Variants in ARHGEF9 observed in about 807,000 individuals in gnomAD.
ARHGEF9 encodes rho guanine nucleotide exchange factor 9.
Under a neutral mutation model 41.3 loss-of-function variants are expected in ARHGEF9, and 2 were observed. The observed-to-expected ratio is 0.05, with a 90% CI of 0.02 to 0.15. ARHGEF9 has a LOEUF of 0.15. ARHGEF9 is among the 10% of genes least tolerant of loss of function. The probability of loss-of-function intolerance (pLI) is 1.00; values close to 1 mark genes in which losing one functional copy is unlikely to be tolerated. For synonymous variants in ARHGEF9, 160 were observed against 154.4 expected (o/e 1.04, Z -0.27); for missense variants, 225 against 424.7 (o/e 0.53, Z 4.13).
At chrX:63,652,540 C>T (rs782167830) in intron 8 of ARHGEF9, among the ~76,000 whole-genome samples, 9 of 110,892 alleles carry the variant, frequency 8.1e-5, no homozygotes, top group East Asian at 5.7e-4. Flanking sequence ...TTGATATGCA[C>T]GGGAGTCCTG....
chrX:63,665,127 C>G (rs2049447955), intron 7 of ARHGEF9, among the ~76,000 whole-genome samples: 1 of 112,231 alleles, frequency 8.9e-6, no homozygotes, highest in Non-Finnish European at 1.9e-5. Flanking sequence ...GCCCCTGGAG[C>G]CAAAACTGGT....
At chrX:63,696,779 G>T (rs1556388512) in intron 4 of ARHGEF9, among the ~76,000 whole-genome samples, 1 of 111,604 alleles carries the variant, frequency 9.0e-6, no homozygotes, top group African/African-American at 3.3e-5. Flanking sequence ...TAAAGAAGGA[G>T]AATCCTAGGT....
chrX:63,698,015 G>A (rs1341372330), intron 3 of ARHGEF9, among the ~76,000 whole-genome samples: 1 of 109,132 alleles, frequency 9.2e-6, no homozygotes, highest in Non-Finnish European at 1.9e-5. Context: ...TAGCTGGCCA[G>A]GAGTGATCAT....
chrX:63,740,171 T>G (rs1220557428), intron 1 of ARHGEF9, among the ~76,000 whole-genome samples: 2 of 112,184 alleles, frequency 1.8e-5, no homozygotes, highest in African/African-American at 6.5e-5. Context: ...AGGAGATTCC[T>G]GAGGAGCCAA....
intron 2 of ARHGEF9, among the ~76,000 whole-genome samples, chrX:63,719,021 T>C (rs1486709279): frequency 1.8e-5 from 2 of 112,044 alleles, no homozygotes; most frequent in Non-Finnish European, 3.8e-5. Flanking sequence ...AATGATGTAC[T>C]AGATGATGTA....
At chrX:63,764,452 A>G (rs1405477886) in intron 1 of ARHGEF9, among the ~76,000 whole-genome samples, 2 of 112,723 alleles carry the variant, frequency 1.8e-5, no homozygotes, top group African/African-American at 6.4e-5. Flanking sequence ...CACTTAATGC[A>G]GCAATCCCAT....
At chrX:63,763,314 T>C (rs1332786277) in intron 1 of ARHGEF9, among the ~76,000 whole-genome samples, 1 of 111,702 alleles carries the variant, frequency 9.0e-6, no homozygotes, top group African/African-American at 3.3e-5. Flanking sequence ...CTCTGATGGG[T>C]AGATAGAGAG....
chrX:63,769,393 A>T (rs1230825185), intron 1 of ARHGEF9, among the ~76,000 whole-genome samples: 2 of 112,004 alleles, frequency 1.8e-5, no homozygotes, highest in African/African-American at 6.5e-5. Flanking sequence ...TTATAATAAA[A>T]GCAAAGCATA....
intron 8 of ARHGEF9, among the ~76,000 whole-genome samples, chrX:63,647,577 A>G (rs2048201012): frequency 9.0e-6 from 1 of 111,670 alleles, no homozygotes; most frequent in Non-Finnish European, 1.9e-5. Flanking sequence ...CCCAGGGATG[A>G]AGCCCACTTG....
rs1262812965 is a variant in ARHGEF9 at position 63,707,361 on chromosome X, A to G, written c.211-912T>C. The G allele has an allele frequency of 9.2e-4, 73 of 79,752 alleles. 1 individual carries two copies. In the East Asian group the frequency reaches 0.024, roughly 26 times the overall value. 6.6% of individuals were successfully genotyped at this position (79,752 alleles called of 1,213,427 possible). A position where few individuals can be genotyped will look rare whatever the true frequency, so the allele number is the denominator to read the frequency against. On this transcript the variant is annotated intron_variant, in intron 2 of 9. Transcript: ENST00000671741. ...TAAATCATGAAGGCAGTGGGAAGCTAAAAAAAAAAAAAAAAAAAAAAAACC... is the reference window on the plus strand; with the variant it reads ...TAAATCATGAAGGCAGTGGGAAGCTGAAAAAAAAAAAAAAAAAAAAAAACC...
At chrX:63,638,704 A>C (rs1291715718) in intron 9 of ARHGEF9, 5 of 299,460 alleles carry the variant, frequency 1.7e-5, no homozygotes, top group African/African-American at 1.4e-4. Flanking sequence ...TATTGACTTC[A>C]GGACAGGTTT....
chrX:63,784,083 C>T (rs2056422796), intron 1 of ARHGEF9, among the ~76,000 whole-genome samples: 1 of 112,214 alleles, frequency 8.9e-6, no homozygotes, highest in Non-Finnish European at 1.9e-5. Flanking sequence ...TTTTGCCCAA[C>T]CACTTCAGGC....
At chrX:63,717,684 A>G (rs2053395844) in intron 2 of ARHGEF9, among the ~76,000 whole-genome samples, 1 of 111,856 alleles carries the variant, frequency 8.9e-6, no homozygotes, top group Admixed American at 9.4e-5. Flanking sequence ...ATTTACATTA[A>G]GAGTTTGCTG....
chrX:63,663,481 T>A (rs2049341392), intron 7 of ARHGEF9, among the ~76,000 whole-genome samples: 2 of 111,017 alleles, frequency 1.8e-5, no homozygotes, highest in South Asian at 7.8e-4. Context: ...TTATTTAGCA[T>A]CCTCACCTCC....
intron 4 of ARHGEF9, among the ~76,000 whole-genome samples, chrX:63,690,463 A>G (rs1366469332): frequency 8.9e-6 from 1 of 111,858 alleles, no homozygotes; most frequent in Non-Finnish European, 1.9e-5. Context: ...GAACAAACCA[A>G]TAACAAGTAA....
In ARHGEF9 at chrX:63,665,748, G is replaced by T; in HGVS notation, c.1077+138C>A. On this transcript the variant is annotated intron_variant, in intron 7 of 9. Transcript: ENST00000671741. ...ATGCCACATTAGTGTTCCTGATACA[G>T]AATTGCTGCCAATCTCCTGTCTGTT... is the stretch of plus-strand genomic sequence containing the variant. 3 of 827,591 alleles carry T rather than the reference G, an allele frequency of 3.6e-6. No individual in the cohort carries two copies. The South Asian group carries it at 7.3e-5, about 20-fold the overall frequency. The allele number at this position is 827,591 out of a possible 1,213,427, so 68.2% of individuals were successfully genotyped here. A position where few individuals can be genotyped will look rare whatever the true frequency, so the allele number is the denominator to read the frequency against.
chrX:63,678,205 A>C, intron 5 of ARHGEF9, 135 bp downstream of exon 5: 1 of 574,014 alleles, frequency 1.7e-6, no homozygotes, highest in Non-Finnish European at 3.0e-6. Context: ...GCTATGAGGC[A>C]ATCAAGAATG....
intron 1 of ARHGEF9, among the ~76,000 whole-genome samples, chrX:63,749,477 G>A (rs781875511): frequency 2.7e-4 from 30 of 110,320 alleles, no homozygotes; most frequent in African/African-American, 9.6e-4. Context: ...GTGATCCACC[G>A]GCCTCAGCCT....
chrX:63,781,934 CAT>C (rs2056387993), intron 1 of ARHGEF9, among the ~76,000 whole-genome samples: 1 of 112,160 alleles, frequency 8.9e-6, no homozygotes, highest in Admixed American at 9.4e-5. Context: ...TTCTCCTAAA[CAT>C]ATACACAGAG....
Sources: gnomAD v4.1 joint callset for allele counts (sites outside exome capture counted in the v4.1 genomes callset) on GRCh38, gnomAD v4.1.1 for gene constraint, MANE v1.5 for transcripts, NCBI Gene and HGNC (gene_info 2026-07-23, HGNC 2026-07-21) for gene names.